Variants in GABRG3 observed in about 807,000 individuals in gnomAD.
The protein encoded by GABRG3 is gamma-aminobutyric acid receptor subunit gamma-3.
A neutral mutation model predicts 48.8 loss-of-function variants in GABRG3; 25 were observed. That is an observed-to-expected ratio of 0.51 (90% CI 0.37 to 0.72). The LOEUF (loss-of-function observed/expected upper bound fraction) is 0.72, where lower values mean the gene tolerates loss of function less well. Ranked by LOEUF, GABRG3 falls within the 30% of genes least tolerant of loss-of-function variation. GABRG3 has a pLI of 0.00. For synonymous variants in GABRG3, 227 were observed against 217.6 expected (o/e 1.04, Z -0.38); for missense variants, 394 against 577.9 (o/e 0.68, Z 3.26).
intron 2 of GABRG3, among the ~76,000 whole-genome samples, chr15:27,004,172 A>G (rs1394374254): frequency 1.5e-4 from 21 of 142,246 alleles, no homozygotes; most frequent in Non-Finnish European, 1.8e-4. Flanking sequence ...CCGGGCGGAG[A>G]GGCTCCTCAC....
chr15:27,528,105 T>G, intron 9 of GABRG3, 113 bp downstream of exon 9: 1 of 771,502 alleles, frequency 1.3e-6, no homozygotes, highest in East Asian at 2.7e-5. Flanking sequence ...CAATGAGTGA[T>G]GCACATGCTG....
intron 3 of GABRG3, among the ~76,000 whole-genome samples, chr15:27,204,297 A>G (rs892774351): frequency 2.6e-5 from 4 of 152,132 alleles, no homozygotes; most frequent in Non-Finnish European, 5.9e-5. Flanking sequence ...CCATTTATTG[A>G]ATAGAGAGTG....
chr15:27,181,573 T>C (rs112674739), intron 3 of GABRG3, among the ~76,000 whole-genome samples: 1 of 152,222 alleles, frequency 6.6e-6, no homozygotes, highest in African/African-American at 2.4e-5. Context: ...TTCTATGCTA[T>C]ATGCAAAGCC....
At chr15:27,263,247 C>G (rs1202432688) in intron 3 of GABRG3, among the ~76,000 whole-genome samples, 2 of 152,218 alleles carry the variant, frequency 1.3e-5, no homozygotes, top group African/African-American at 2.4e-5. Flanking sequence ...TGTGGCGTTA[C>G]AGCCAGAATC....
intron 3 of GABRG3, among the ~76,000 whole-genome samples, chr15:27,246,742 A>T (rs1287548821): frequency 6.6e-6 from 1 of 152,250 alleles, no homozygotes; most frequent in Non-Finnish European, 1.5e-5. Flanking sequence ...TATTGTGGTT[A>T]TCATGATCTG....
chr15:27,202,758 G>T (rs761949439), intron 3 of GABRG3, among the ~76,000 whole-genome samples: 9 of 151,718 alleles, frequency 5.9e-5, no homozygotes, highest in Admixed American at 1.3e-4. Flanking sequence ...TCTTTTATAT[G>T]GTTTTATTAT....
At chr15:27,456,652 G>C (rs8037055) in intron 5 of GABRG3, among the ~76,000 whole-genome samples, 89,086 of 152,034 alleles carry the variant, frequency 0.59, 26,644 homozygotes, top group East Asian at 0.97. Context: ...AATCTGGAAA[G>C]AGTGACAGGG....
At chr15:27,123,101 A>G (rs1897759533) in intron 3 of GABRG3, among the ~76,000 whole-genome samples, 1 of 152,192 alleles carries the variant, frequency 6.6e-6, no homozygotes, top group Admixed American at 6.5e-5. Flanking sequence ...ATTTTGCCTA[A>G]TAGGACATCT....
intron 3 of GABRG3, among the ~76,000 whole-genome samples, chr15:27,029,737 C>G (rs1007239422): frequency 6.6e-6 from 1 of 152,122 alleles, no homozygotes; most frequent in African/African-American, 2.4e-5. Flanking sequence ...CTGAGTGCCA[C>G]AGTGGAGGTA....
intron 3 of GABRG3, among the ~76,000 whole-genome samples, chr15:27,168,444 CCTT>C (rs1309376542): frequency 6.6e-6 from 1 of 152,140 alleles, no homozygotes; most frequent in Non-Finnish European, 1.5e-5. Flanking sequence ...AGAAGTTTCT[CCTT>C]CTGTTTTTTC....
intron 3 of GABRG3, among the ~76,000 whole-genome samples, chr15:27,118,794 C>T (rs1322935969): frequency 6.6e-6 from 1 of 152,124 alleles, no homozygotes; most frequent in Non-Finnish European, 1.5e-5. Context: ...CTTCTGTTTT[C>T]TTTAGATGCT....
chr15:27,385,765 A>C (rs932899853), intron 5 of GABRG3, among the ~76,000 whole-genome samples: 1 of 152,074 alleles, frequency 6.6e-6, no homozygotes, highest in Non-Finnish European at 1.5e-5. Context: ...TATCTGGTGA[A>C]CCATCATCAT....
intron 5 of GABRG3, among the ~76,000 whole-genome samples, chr15:27,360,802 C>T (rs1010002191): frequency 6.6e-6 from 1 of 152,216 alleles, no homozygotes; most frequent in Non-Finnish European, 1.5e-5. Flanking sequence ...CTGTCTGCCT[C>T]AGGCAGGTTC....
intron 5 of GABRG3, among the ~76,000 whole-genome samples, chr15:27,369,101 C>A (rs963797161): frequency 1.3e-5 from 2 of 152,166 alleles, no homozygotes; most frequent in Non-Finnish European, 2.9e-5. Flanking sequence ...TATTAAAATG[C>A]ACTAAGCAAC....
At chr15:27,433,627 C>T (rs1246356949) in intron 5 of GABRG3, among the ~76,000 whole-genome samples, 1 of 152,134 alleles carries the variant, frequency 6.6e-6, no homozygotes, top group Non-Finnish European at 1.5e-5. Flanking sequence ...CAAAATGATC[C>T]CCTAATTCAA....
chr15:27,433,787 C>T (rs113627862), intron 5 of GABRG3, among the ~76,000 whole-genome samples: 2,023 of 152,274 alleles, frequency 0.013, 33 homozygotes, highest in African/African-American at 0.047. Context: ...GGCCACCTGC[C>T]TCCAAAGATG....
intron 3 of GABRG3, among the ~76,000 whole-genome samples, chr15:27,164,214 A>AACAC (rs142851625): frequency 2.0e-5 from 3 of 151,128 alleles, no homozygotes; most frequent in Non-Finnish European, 4.4e-5. Flanking sequence ...TGTCTCTCCA[A>AACAC]ACACACACAC....
chr15:27,090,416 G>A (rs1897164966), intron 3 of GABRG3, among the ~76,000 whole-genome samples: 1 of 152,202 alleles, frequency 6.6e-6, no homozygotes, highest in Non-Finnish European at 1.5e-5. Flanking sequence ...GAGTGGAATT[G>A]TGGGTCATAT....
chr15:27,537,143 A>G lies in GABRG3; in HGVS notation c.*4262A>G, dbSNP rs1468614988. Reference sequence around the variant, plus strand: ...TTTCTGTAAAAAAAAAAAAAAAAAAAAAGAATGGCTTAAGCTCCACATAAT... The same window carrying G: ...TTTCTGTAAAAAAAAAAAAAAAAAAGAAGAATGGCTTAAGCTCCACATAAT... On this transcript the variant is annotated 3_prime_UTR_variant, in exon 10 of 10. Coordinates refer to ENST00000615808, the MANE Select transcript of GABRG3 (RefSeq NM_033223.5). The G allele has an allele frequency of 6.7e-6, 1 of 150,228 alleles. No homozygotes were observed. Among genetic ancestry groups the G allele is most frequent in the Non-Finnish European group, 1.5e-5 (1 of 67,970 alleles). The allele number at this position is 150,228 out of a possible 1,614,324, so 9.3% of individuals were successfully genotyped here.
Sources: allele counts gnomAD v4.1 joint callset (sites outside exome capture counted in the v4.1 genomes callset), GRCh38; gene constraint gnomAD v4.1.1; transcripts MANE v1.5; gene names NCBI Gene and HGNC (gene_info 2026-07-23, HGNC 2026-07-21).